Variants in WDR37 observed in about 807,000 individuals in gnomAD.
WDR37 encodes WD repeat-containing protein 37.
In WDR37, 19 loss-of-function variants were observed where a neutral mutation model predicts 62.9. The observed-to-expected ratio is 0.30, with a 90% confidence interval of 0.21 to 0.44. WDR37 has a LOEUF of 0.44. Among genes scored for constraint, WDR37 ranks in the 20% least tolerant of loss-of-function variants. WDR37 has a pLI of 1.00. For synonymous variants in WDR37, 250 were observed against 260.9 expected (o/e 0.96, Z 0.40); for missense variants, 474 against 657.6 (o/e 0.72, Z 3.05).
chr10:1,092,097 A>G (rs920263213), intron 7 of WDR37, among the ~76,000 whole-genome samples: 30 of 148,798 alleles, frequency 2.0e-4, no homozygotes, highest in African/African-American at 3.2e-4. Context: ...GGAGAATGGC[A>G]TGAACCTGGG....
At chr10:1,115,380 C>T (rs993882101) in intron 11 of WDR37, among the ~76,000 whole-genome samples, 3 of 152,172 alleles carry the variant, frequency 2.0e-5, no homozygotes. Flanking sequence ...TTATAATGAT[C>T]ACTTTGAAGT....
Position 1,103,818 on chromosome 10 carries a change from C to G in WDR37, c.943C>G (p.Leu315Val). The change falls in exon 10 of 14, where the codon CTC (leucine) becomes GTC (valine). Residue 315 changes from leucine (L) to valine (V), a missense_variant. By Grantham distance (32) the Leu-to-Val change is conservative. Coordinates refer to ENST00000263150, the MANE Select transcript of WDR37 (RefSeq NM_014023.4). This position sits in a 1 kb window ranked among gnomAD's most constrained non-coding sequence, Gnocchi z 6.3. ...ANLYDVETSE[L>V]VHSLTGHDQE... ...CCTGTACGACGTGGAGACGTCCGAG[C>G]TCGTTCACTCTCTGACAGGTGCCTG... is the stretch of plus-strand genomic sequence containing the variant. The G allele has an allele frequency of 6.2e-7, 1 of 1,614,138 alleles. No homozygotes were observed. Among genetic ancestry groups the G allele is most frequent in the South Asian group, 1.1e-5 (1 of 91,076 alleles).
At chr10:1,089,475 G>A (rs1304363950) in intron 7 of WDR37, among the ~76,000 whole-genome samples, 1 of 152,094 alleles carries the variant, frequency 6.6e-6, no homozygotes, top group Non-Finnish European at 1.5e-5. Context: ...ATTCCACTAG[G>A]GGGTCTGAGT....
intron 2 of WDR37, among the ~76,000 whole-genome samples, chr10:1,072,711 A>T (rs1833765148): frequency 6.6e-6 from 1 of 152,168 alleles, no homozygotes; most frequent in South Asian, 2.1e-4. Flanking sequence ...GGGTTGGGTT[A>T]CTAAGAAGAA....
At chr10:1,073,400 A>G (rs1318559425) in intron 2 of WDR37, among the ~76,000 whole-genome samples, 1 of 152,226 alleles carries the variant, frequency 6.6e-6, no homozygotes, top group Non-Finnish European at 1.5e-5. Flanking sequence ...CACTGAATAC[A>G]GCAGTGTGAA....
At chr10:1,092,880 A>AG (rs1262342657) in intron 7 of WDR37, among the ~76,000 whole-genome samples, 1 of 148,022 alleles carries the variant, frequency 6.8e-6, no homozygotes, top group Non-Finnish European at 1.5e-5. Flanking sequence ...CACAAAAAAA[A>AG]AAAAAAAAAA....
At chr10:1,084,614 T>G (rs1245680799) in intron 6 of WDR37, 76 bp downstream of exon 6, 2 of 1,572,814 alleles carry the variant, frequency 1.3e-6, no homozygotes, top group Middle Eastern at 1.7e-4. Flanking sequence ...CATTCACTTT[T>G]CTGTGGCAGA....
At chr10:1,057,341 G>A (rs986254760) in intron 1 of WDR37, among the ~76,000 whole-genome samples, 10 of 152,172 alleles carry the variant, frequency 6.6e-5, no homozygotes, top group Non-Finnish European at 1.5e-4. Flanking sequence ...GGGCAGAAGG[G>A]TTCGGCCCGG....
chr10:1,071,218 C>T (rs949198913), intron 1 of WDR37, among the ~76,000 whole-genome samples: 6 of 152,098 alleles, frequency 3.9e-5, no homozygotes, highest in Non-Finnish European at 5.9e-5. Context: ...TCTGGGAGGT[C>T]GTGGGCGTGT....
intron 8 of WDR37, among the ~76,000 whole-genome samples, chr10:1,094,885 C>T (rs1485690940): frequency 2.1e-4 from 31 of 146,620 alleles, no homozygotes; most frequent in Admixed American, 2.1e-3. Context: ...AGGAGAGTTA[C>T]ACTGGGAAAC....
chr10:1,100,703 C>A (rs750237144), intron 9 of WDR37, among the ~76,000 whole-genome samples: 1 of 152,214 alleles, frequency 6.6e-6, no homozygotes, highest in African/African-American at 2.4e-5. Flanking sequence ...CTGAGTTACT[C>A]GTTTAACTTC....
At chr10:1,086,216 T>G in intron 6 of WDR37, 70 bp from the exon 7 acceptor site, 1 of 1,307,442 alleles carries the variant, frequency 7.6e-7, no homozygotes. Context: ...AGTATTTGTC[T>G]TATTCTTTCA....
intron 5 of WDR37, among the ~76,000 whole-genome samples, chr10:1,082,616 G>T (rs1834064468): frequency 6.6e-6 from 1 of 152,214 alleles, no homozygotes. Context: ...AGGTAATTCA[G>T]TCTGTTTTGT....
chr10:1,120,513 C>G (rs1835543630), intron 11 of WDR37, among the ~76,000 whole-genome samples: 1 of 152,112 alleles, frequency 6.6e-6, no homozygotes, highest in African/African-American at 2.4e-5. Flanking sequence ...GTTGACATGC[C>G]AAAGTAATAA....
At chr10:1,116,237 C>T (rs116005527) in intron 11 of WDR37, among the ~76,000 whole-genome samples, 2,178 of 151,734 alleles carry the variant, frequency 0.014, 49 homozygotes, top group African/African-American at 0.05. Flanking sequence ...CCGTCATCCC[C>T]CCTGCCCTGG....
intron 13 of WDR37, among the ~76,000 whole-genome samples, chr10:1,125,815 A>T (rs1354317682): frequency 6.6e-6 from 1 of 152,160 alleles, no homozygotes; most frequent in Non-Finnish European, 1.5e-5. Flanking sequence ...AATATATTTA[A>T]ATGTTAGTTT....
chr10:1,124,076 C>A, intron 11 of WDR37, 142 bp from the exon 12 acceptor site: 2 of 1,071,010 alleles, frequency 1.9e-6, no homozygotes, highest in South Asian at 1.6e-5. Context: ...CTTTGGGAGG[C>A]GGGAGCAGTT....
intron 9 of WDR37, among the ~76,000 whole-genome samples, chr10:1,101,823 A>G (rs779124392): frequency 6.6e-6 from 1 of 152,200 alleles, no homozygotes; most frequent in Non-Finnish European, 1.5e-5. Flanking sequence ...CGACCTCATC[A>G]GAGAGTCCCT....
At chr10:1,118,509 C>T (rs1015694968) in intron 11 of WDR37, among the ~76,000 whole-genome samples, 5 of 150,780 alleles carry the variant, frequency 3.3e-5, no homozygotes, top group Non-Finnish European at 7.4e-5. Context: ...CAGCCACCCT[C>T]AGCCAGCTCT....
Sources: allele counts gnomAD v4.1 joint callset (sites outside exome capture counted in the v4.1 genomes callset), GRCh38; gene constraint gnomAD v4.1.1; non-coding constraint Gnocchi (gnomAD v3.1); transcripts MANE v1.5; gene names NCBI Gene and HGNC (gene_info 2026-07-23, HGNC 2026-07-21).